The following ERAP1 variants were observed in gnomAD, a reference collection of about 807,000 sequenced individuals.
ERAP1 encodes adipocyte-derived leucine aminopeptidase.
A neutral mutation model predicts 103.7 loss-of-function variants in ERAP1; 86 were observed. The observed-to-expected ratio is 0.83, with a 90% CI of 0.70 to 0.99. ERAP1 has a LOEUF of 0.99. Among genes scored for constraint, ERAP1 ranks in the 50% least tolerant of loss-of-function variants. The pLI, the probability that ERAP1 is intolerant of heterozygous loss-of-function variation, is 0.00. For synonymous variants in ERAP1, 398 were observed against 402.4 expected (o/e 0.99, Z 0.13); for missense variants, 1,009 against 1,128.4 (o/e 0.89, Z 1.52).
the ERAP1 span, among the ~76,000 whole-genome samples, chr5:96,872,376 A>G: frequency 1.5e-3 from 232 of 151,516 alleles, no homozygotes; most frequent in African/African-American, 5.2e-3. Context: ...AGGCAGGTGG[A>G]TCACTTGAGC....
intron 19 of ERAP1, chr5:96,767,346 C>A: frequency 2.0e-6 from 2 of 999,576 alleles, no homozygotes; most frequent in South Asian, 2.8e-5. Context: ...TTATCCAAGT[C>A]AAGTCATGGG....
chr5:96,866,031 A>G, the ERAP1 span, among the ~76,000 whole-genome samples: 1 of 152,264 alleles, frequency 6.6e-6, no homozygotes, highest in Non-Finnish European at 1.5e-5. Flanking sequence ...TACTTACAGC[A>G]ATTGTAACAT....
chr5:96,898,764 C>A, the ERAP1 span, among the ~76,000 whole-genome samples: 4 of 151,680 alleles, frequency 2.6e-5, no homozygotes, highest in Admixed American at 1.3e-4. Flanking sequence ...AACAAACAAA[C>A]AAAAAACATA....
At chr5:96,913,540 C>T in the ERAP1 span, 13 of 1,473,312 alleles carry the variant, frequency 8.8e-6, no homozygotes, top group Non-Finnish European at 1.2e-5. Context: ...AAATGTTTCT[C>T]AAAGCATATA....
the ERAP1 span, among the ~76,000 whole-genome samples, chr5:96,824,713 T>G: frequency 6.6e-6 from 1 of 152,116 alleles, no homozygotes; most frequent in South Asian, 2.1e-4. Flanking sequence ...TCCCCTTACT[T>G]CTCTAACACC....
At chr5:96,762,490 C>T (rs775257880) in exon 20 of ERAP1, 6 of 623,760 alleles carry the variant, frequency 9.6e-6, no homozygotes, top group Non-Finnish European at 1.6e-5. Context: ...AGATCAGGCA[C>T]CTTCTATTTC....
At chr5:96,889,644 A>C in the ERAP1 span, among the ~76,000 whole-genome samples, 1 of 152,130 alleles carries the variant, frequency 6.6e-6, no homozygotes, top group South Asian at 2.1e-4. Context: ...AAAAAGAAGG[A>C]ACACAGTGAC....
the ERAP1 span, among the ~76,000 whole-genome samples, chr5:96,890,878 A>G: frequency 2.6e-5 from 4 of 152,324 alleles, no homozygotes; most frequent in African/African-American, 7.2e-5. Context: ...AAAGATTAAT[A>G]ACAGCCATCA....
At chr5:96,815,417 T>TTTTG in the ERAP1 span, among the ~76,000 whole-genome samples, 17 of 147,946 alleles carry the variant, frequency 1.1e-4, no homozygotes, top group South Asian at 8.3e-4. Flanking sequence ...GTTTTTTATT[T>TTTTG]TTTTTTTTTT....
chr5:96,895,074 A>G, the ERAP1 span, among the ~76,000 whole-genome samples: 1 of 152,146 alleles, frequency 6.6e-6, no homozygotes, highest in Non-Finnish European at 1.5e-5. Context: ...GGTGGTGAGA[A>G]TAAGAAGGCA....
chr5:96,923,001 C>A, the ERAP1 span, among the ~76,000 whole-genome samples: 1 of 151,432 alleles, frequency 6.6e-6, no homozygotes, highest in African/African-American at 2.4e-5. Context: ...TTTTTTGAGA[C>A]AAGGTCTTGC....
chr5:96,810,651 A>G (rs1197347113), upstream of ERAP1, among the ~76,000 whole-genome samples: 1 of 152,244 alleles, frequency 6.6e-6, no homozygotes, highest in East Asian at 1.9e-4. Context: ...GAGGCTTCTC[A>G]GTGTCCTTAG....
the ERAP1 span, among the ~76,000 whole-genome samples, chr5:96,870,340 G>A: frequency 2.0e-5 from 3 of 152,166 alleles, no homozygotes; most frequent in Non-Finnish European, 4.4e-5. Context: ...CTGAACACAG[G>A]CAAACATGAA....
At chr5:96,763,570 C>G (rs1273852219) in intron 19 of ERAP1, among the ~76,000 whole-genome samples, 1 of 152,202 alleles carries the variant, frequency 6.6e-6, no homozygotes. Flanking sequence ...AATGACACTT[C>G]TCTGATCACA....
chr5:96,774,550 C>CTGTT lies in ERAP1; in HGVS notation c.*1842_*1845dup, dbSNP rs1404949871. 2.0e-6 allele frequency: 2 copies of CTGTT among 985,732 alleles called. No individual in the cohort carries two copies. The highest frequency in any genetic ancestry group is 2.4e-6 in the Non-Finnish European group (2 of 829,834). The allele number at this position is 985,732 out of a possible 1,614,324, so 61.1% of individuals were successfully genotyped here. ...GCACATTGTTGTGGCAATATTGTAT[C>CTGTT]TGTTTAGAAAATGGGCTTTTCCAAA... On this transcript the variant is annotated 3_prime_UTR_variant, in exon 19 of 19. Coordinates refer to ENST00000443439, the MANE Select transcript of ERAP1 (RefSeq NM_001040458.3).
At chr5:96,789,590 T>G (rs78552526) in intron 10 of ERAP1, among the ~76,000 whole-genome samples, 2,457 of 152,036 alleles carry the variant, frequency 0.016, 69 homozygotes, top group Admixed American at 0.073. Context: ...AAAGTAAACA[T>G]ATAAAAAGAA....
chr5:96,896,226 G>A, the ERAP1 span: 3 of 571,622 alleles, frequency 5.2e-6, no homozygotes, highest in East Asian at 6.4e-5. Flanking sequence ...TTGGCCAAAG[G>A]GGAATACATA....
the ERAP1 span, among the ~76,000 whole-genome samples, chr5:96,923,510 C>T: frequency 3.4e-4 from 51 of 152,072 alleles, no homozygotes; most frequent in South Asian, 1.0e-2. Context: ...CTGGCTAACA[C>T]GGTGAAATCC....
the ERAP1 span, chr5:96,889,423 G>A: frequency 2.2e-4 from 254 of 1,172,856 alleles, no homozygotes; most frequent in East Asian, 4.9e-3. Flanking sequence ...GTTAGCTCAG[G>A]AAAAAATAAT....
Sources: allele counts gnomAD v4.1 joint callset (sites outside exome capture counted in the v4.1 genomes callset), GRCh38; gene constraint gnomAD v4.1.1; transcripts MANE v1.5; gene names NCBI Gene and HGNC (gene_info 2026-07-23, HGNC 2026-07-21).